SPATA2: variants seen among roughly 807,000 people sequenced by gnomAD.
SPATA2 encodes the protein spermatogenesis-associated protein 2.
Under a neutral mutation model 35.4 loss-of-function variants are expected in SPATA2, and 8 were observed. The ratio of observed to expected loss-of-function variants is 0.23; its 90% confidence interval spans 0.13 to 0.41. SPATA2 has a LOEUF of 0.41. Ranked by LOEUF, SPATA2 falls within the 10% of genes least tolerant of loss-of-function variation. The pLI is 1.00. For synonymous variants in SPATA2, 293 were observed against 300.9 expected (o/e 0.97, Z 0.27); for missense variants, 650 against 698.7 (o/e 0.93, Z 0.79).
At chr20:49,910,551 A>G (rs903011060) in intron 1 of SPATA2, among the ~76,000 whole-genome samples, 4 of 152,156 alleles carry the variant, frequency 2.6e-5, no homozygotes, top group African/African-American at 9.7e-5. Context: ...TTGCTCAGTA[A>G]GGTGACCTGT....
Position 49,906,429 on chromosome 20 carries a change from C to T in SPATA2, c.753G>A (p.Ser251=), listed in dbSNP as rs907968706. The change falls in exon 3 of 3, where the codon TCG becomes TCA. Residue 251 remains serine, a synonymous_variant. Transcript: ENST00000289431. This position sits in a 1 kb window ranked among gnomAD's most constrained non-coding sequence, Gnocchi z 8.2. ...AGCTGTCATAGGCATCCACTGACCT[C>T]GAGGGCTTGGTCACGCGGGGCTTGT... ...DYYKPRVTKP[S]RSVDAYDSYW... 6.8e-6 allele frequency: 11 copies of T among 1,612,734 alleles called. No individual in the cohort carries two copies. The highest frequency in any genetic ancestry group is 2.7e-5 in the African/African-American group (2 of 74,930).
In SPATA2 at chr20:49,906,504, T is replaced by A. The variant is rs1483032154; in HGVS notation, c.678A>T (p.Ser226=). 2.5e-6 allele frequency: 4 copies of A among 1,611,810 alleles called. No individual in the cohort carries two copies. The highest frequency in any genetic ancestry group is 3.4e-6 in the Non-Finnish European group (4 of 1,179,864). Reference sequence around the variant, plus strand: ...TGGCCGACTTCTGGAGTGCCACTCGTGACATGGAGGCCGTCAGGTGCTCCC... The same window carrying A: ...TGGCCGACTTCTGGAGTGCCACTCGAGACATGGAGGCCGTCAGGTGCTCCC... The part of the protein sequence containing the change: ...EGREHLTASM[S]RVALQKSASE... The change falls in exon 3 of 3, where the codon TCA becomes TCT. Residue 226 remains serine, a synonymous_variant. Transcript: ENST00000289431. The surrounding 1 kb of genome is among the most constrained non-coding windows in gnomAD (Gnocchi z 8.2).
intron 1 of SPATA2, among the ~76,000 whole-genome samples, chr20:49,909,211 T>G (rs1190896610): frequency 6.6e-6 from 1 of 152,018 alleles, no homozygotes; most frequent in Non-Finnish European, 1.5e-5. Flanking sequence ...TTAGTCAAGA[T>G]GGGGTTTCAC....
At chr20:49,912,612 G>A (rs1475732990) in intron 1 of SPATA2, among the ~76,000 whole-genome samples, 1 of 152,160 alleles carries the variant, frequency 6.6e-6, no homozygotes, top group African/African-American at 2.4e-5. Context: ...GAATACTGCT[G>A]TAATTTTTCT....
In SPATA2 at chr20:49,905,765, T is replaced by A. The variant is rs2090137079; in HGVS notation, c.1417A>T (p.Thr473Ser). The A allele has an allele frequency of 6.2e-7, 1 of 1,614,098 alleles. No individual in the cohort carries two copies. Among genetic ancestry groups the A allele is most frequent in the Admixed American group, 1.7e-5 (1 of 60,006 alleles). The change falls in exon 3 of 3, where the codon ACC becomes TCC. Residue 473 changes from threonine to serine, a missense_variant. Transcript: ENST00000289431. ...TCACATGAGACTTTTGAACACTGGGTGCAGGTGTTGGTGGCGCCTGGGCGG... is the reference window on the plus strand; with the variant it reads ...TCACATGAGACTTTTGAACACTGGGAGCAGGTGTTGGTGGCGCCTGGGCGG... ...CNRPGATNTCTQCSKVSCDAC... is the reference protein window; with the variant it reads ...CNRPGATNTCSQCSKVSCDAC...
intron 2 of SPATA2, among the ~76,000 whole-genome samples, chr20:49,907,362 G>T (rs2090153597): frequency 2.0e-5 from 3 of 152,244 alleles, no homozygotes; most frequent in Non-Finnish European, 4.4e-5. Context: ...CCTGGCAGCA[G>T]CTACTTTGTT....
At position 49,904,118 on chromosome 20, in the gene SPATA2, T is replaced by C. The variant is rs2146825065; in HGVS notation, c.*1501A>G. On this transcript the variant is annotated 3_prime_UTR_variant, in exon 3 of 3. Coordinates refer to ENST00000289431, the MANE Select transcript of SPATA2 (RefSeq NM_006038.4). ...CCCACTGCATATAAATCCCTTAACA[T>C]TGTGTACATCACAAACAGTTATGGC... The C allele has an allele frequency of 6.6e-6, 1 of 152,480 alleles. No individual in the cohort carries two copies. The highest frequency in any genetic ancestry group is 3.4e-3 in the Middle Eastern group (1 of 292). 9.4% of individuals were successfully genotyped at this position (152,480 alleles called of 1,614,324 possible).
chr20:49,907,532 T>G (rs1019332858), intron 2 of SPATA2, among the ~76,000 whole-genome samples: 20 of 152,130 alleles, frequency 1.3e-4, no homozygotes, highest in Non-Finnish European at 1.5e-5. Context: ...CATGAGGGGC[T>G]GAGTAACACG....
rs901779630 is a variant in SPATA2, at chr20:49,905,270, G to A, written c.*349C>T. ...TTGCAATGGGAGGGGTAGGTGCAGC[G>A]AGGGTCCCAGAGACAGAAATCCTCT... On this transcript the variant is annotated 3_prime_UTR_variant, in exon 3 of 3. Coordinates refer to ENST00000289431, the MANE Select transcript of SPATA2 (RefSeq NM_006038.4). 5.6e-5 allele frequency: 14 copies of A among 250,306 alleles called. No homozygotes were observed. Among genetic ancestry groups the A allele is most frequent in the Middle Eastern group, 1.4e-3 (1 of 692 alleles). 15.5% of individuals were successfully genotyped at this position (250,306 alleles called of 1,614,324 possible).
intron 2 of SPATA2, among the ~76,000 whole-genome samples, chr20:49,907,083 C>T (rs762905173): frequency 2.0e-5 from 3 of 152,314 alleles, no homozygotes; most frequent in South Asian, 2.1e-4. Context: ...TTGTTTGAGA[C>T]GGAGTCTCGC....
At chr20:49,910,029 G>A (rs549851360) in intron 1 of SPATA2, among the ~76,000 whole-genome samples, 164 of 152,284 alleles carry the variant, frequency 1.1e-3, no homozygotes, top group Non-Finnish European at 1.8e-3. Flanking sequence ...TGGGACACAG[G>A]CTTTACACAA....
Position 49,910,286 on chromosome 20 carries a change from C to T in SPATA2, c.-102-1694G>A, listed in dbSNP as rs921299293. Among the ~76,000 whole-genome samples, 6 of 152,208 alleles carry T rather than the reference C, an allele frequency of 3.9e-5. No individual in the cohort carries two copies. The South Asian group carries it at 8.3e-4, about 21-fold the overall frequency. ...TGGGTGTCGGTTTTCTCCTATAAAACGGGGTTAATAATAGCGCCTCTGTCC... is the reference window on the plus strand; with the variant it reads ...TGGGTGTCGGTTTTCTCCTATAAAATGGGGTTAATAATAGCGCCTCTGTCC... On this transcript the variant is annotated intron_variant, in intron 1 of 2. Transcript: ENST00000289431.
rs777896491 is a variant in SPATA2 at position 49,906,414 on chromosome 20, G to A, written c.768C>T (p.Ala256=). The A allele has an allele frequency of 2.5e-6, 4 of 1,613,246 alleles. No homozygotes were observed. The highest frequency in any genetic ancestry group is 8.5e-7 in the Non-Finnish European group (1 of 1,180,026). Residue 256 remains alanine, a synonymous_variant, in exon 3 of 3, where the codon GCC becomes GCT. Transcript: ENST00000289431. The surrounding 1 kb of genome is among the most constrained non-coding windows in gnomAD (Gnocchi z 8.2). ...TCCGGCTCTCCCAGTAGCTGTCATA[G>A]GCATCCACTGACCTCGAGGGCTTGG... ...RVTKPSRSVD[A]YDSYWESRKP...
In SPATA2 at chr20:49,906,471, C is replaced by T; in HGVS notation, c.711G>A (p.Arg237=). The change falls in exon 3 of 3, where the codon CGG becomes CGA. Residue 237 remains arginine (R), a synonymous_variant. Transcript: ENST00000289431. The surrounding 1 kb of genome is among the most constrained non-coding windows in gnomAD (Gnocchi z 8.2). ...GGGGCTTGTAGTAGTCCTTGGCCGC[C>T]CGCTCGCTGGCCGACTTCTGGAGTG... ...RVALQKSASE[R]AAKDYYKPRV... 1 of 1,611,244 alleles carries T rather than the reference C, an allele frequency of 6.2e-7. No homozygotes were observed. Among genetic ancestry groups the T allele is most frequent in the East Asian group, 2.2e-5 (1 of 44,878 alleles).
chr20:49,906,854 G>A lies in SPATA2; in HGVS notation c.337-9C>T. Reference sequence around the variant, plus strand: ...AAAGGGCCCGTGTAGGTCTAGAAGGGAGGGAGTAGAAAAGAAAGGTGGGGT... The same window carrying A: ...AAAGGGCCCGTGTAGGTCTAGAAGGAAGGGAGTAGAAAAGAAAGGTGGGGT... On this transcript the variant is annotated splice_polypyrimidine_tract_variant and intron_variant, in intron 2 of 2. Transcript: ENST00000289431. This position sits in a 1 kb window ranked among gnomAD's most constrained non-coding sequence, Gnocchi z 8.2. 1 of 1,593,172 alleles carries A rather than the reference G, an allele frequency of 6.3e-7. No homozygotes were observed. Among genetic ancestry groups the A allele is most frequent in the South Asian group, 1.1e-5 (1 of 89,584 alleles).
At chr20:49,910,950 C>A (rs977995944) in intron 1 of SPATA2, among the ~76,000 whole-genome samples, 2 of 152,262 alleles carry the variant, frequency 1.3e-5, no homozygotes, top group Admixed American at 6.5e-5. Context: ...TGCGGGGGCT[C>A]ACGCCTGTAA....
chr20:49,911,838 G>A (rs138048495), intron 1 of SPATA2, among the ~76,000 whole-genome samples: 31 of 152,254 alleles, frequency 2.0e-4, no homozygotes, highest in African/African-American at 6.0e-4. Flanking sequence ...CATGAGGTAC[G>A]ACAAGTAGCT....
At position 49,908,549 on chromosome 20, in the gene SPATA2, C is replaced by T. The variant is rs1193281853; in HGVS notation, c.-59G>A. On this transcript the variant is annotated 5_prime_UTR_variant, in exon 2 of 3. Transcript: ENST00000289431. ...GCTTCTGGATTAGAGGCAGGGACAT[C>T]ACTAAAAGCATGGACATGTTGCCGC... is the stretch of plus-strand genomic sequence containing the variant. The T allele has an allele frequency of 1.4e-6, 2 of 1,408,074 alleles. No individual in the cohort carries two copies. Among genetic ancestry groups the T allele is most frequent in the East Asian group, 2.3e-5 (1 of 43,248 alleles). The allele number at this position is 1,408,074 out of a possible 1,614,324, so 87.2% of individuals were successfully genotyped here.
chr20:49,905,394 CG>C lies in SPATA2; in HGVS notation c.*224del, dbSNP rs551153495. ...GAGAGATTAGCAAAATGAATCTGAA[CG>C]GAAGTGCCACCTTCTCCCTTGTCAG... On this transcript the variant is annotated 3_prime_UTR_variant, in exon 3 of 3. Coordinates refer to ENST00000289431, the MANE Select transcript of SPATA2 (RefSeq NM_006038.4). The C allele has an allele frequency of 3.3e-4, 191 of 572,334 alleles. No individual in the cohort carries two copies. The highest frequency in any genetic ancestry group is 5.3e-4 in the Non-Finnish European group (170 of 321,404). 35.5% of individuals were successfully genotyped at this position (572,334 alleles called of 1,614,324 possible). A position where few individuals can be genotyped will look rare whatever the true frequency, so the allele number is the denominator to read the frequency against.
Sources: allele counts gnomAD v4.1 joint callset (sites outside exome capture counted in the v4.1 genomes callset), GRCh38; gene constraint gnomAD v4.1.1; non-coding constraint Gnocchi (gnomAD v3.1); transcripts MANE v1.5; gene names NCBI Gene and HGNC (gene_info 2026-07-23, HGNC 2026-07-21).